FAM221A: variants seen among roughly 807,000 people sequenced by gnomAD.
FAM221A encodes the protein protein FAM221A.
Under a neutral mutation model 37.6 loss-of-function variants are expected in FAM221A, and 43 were observed. The observed-to-expected ratio is 1.15, with a 90% CI of 0.90 to 1.48. FAM221A has a LOEUF of 1.48. Ranked by LOEUF, FAM221A falls within the 40% of genes most tolerant of loss-of-function variation. The pLI is 0.00. For synonymous variants in FAM221A, 135 were observed against 132.9 expected (o/e 1.02, Z -0.11); for missense variants, 361 against 361.5 (o/e 1.00, Z 0.01).
Position 23,689,344 on chromosome 7 carries a change from C to T in FAM221A, c.315C>T (p.Gly105=). 1 of 1,604,270 alleles carries T rather than the reference C, an allele frequency of 6.2e-7. No homozygotes were observed. The highest frequency in any genetic ancestry group is 8.5e-7 in the Non-Finnish European group (1 of 1,172,302). Residue 105 remains glycine (G), a synonymous_variant, in exon 3 of 7, where the codon GGC becomes GGT. Transcript: ENST00000344962. ...TTGATCTGCCCTGCCAAGTGACTGGCTGCCAGTGCAGGGCTTACCTTTATG... is the reference window on the plus strand; with the variant it reads ...TTGATCTGCCCTGCCAAGTGACTGGTTGCCAGTGCAGGGCTTACCTTTATG... ...CPIDLPCQVT[G]CQCRAYLYVP...
chr7:23,698,394 T>TA (rs1349821753), intron 5 of FAM221A, 95 bp downstream of exon 5: 1 of 713,208 alleles, frequency 1.4e-6, no homozygotes, highest in East Asian at 2.9e-5. Flanking sequence ...TTTTCATTAT[T>TA]ACGATAATTT....
chr7:23,698,713 C>A (rs1307838946), intron 5 of FAM221A, among the ~76,000 whole-genome samples: 1 of 152,064 alleles, frequency 6.6e-6, no homozygotes, highest in Non-Finnish European at 1.5e-5. Flanking sequence ...TTTTTAAGCA[C>A]CAGTATTCTG....
chr7:23,702,361 G>T lies in FAM221A; in HGVS notation c.*197G>T. On this transcript the variant is annotated 3_prime_UTR_variant, in exon 7 of 7. Coordinates refer to ENST00000344962, the MANE Select transcript of FAM221A (RefSeq NM_199136.5). ...GTCAAAACTCATAATTTACTACTTT[G>T]TATGTACCTTTCTTTCTCCTGACAA... 1 of 355,210 alleles carries T rather than the reference G, an allele frequency of 2.8e-6. No homozygotes were observed. The allele number at this position is 355,210 out of a possible 1,614,324, so 22.0% of individuals were successfully genotyped here. A position where few individuals can be genotyped will look rare whatever the true frequency, so the allele number is the denominator to read the frequency against.
intron 4 of FAM221A, chr7:23,693,375 C>G (rs776527583): frequency 1.2e-4 from 18 of 151,758 alleles, no homozygotes; most frequent in Non-Finnish European, 2.5e-4. Flanking sequence ...ATTGTTGTTT[C>G]AATTTGATTT....
intron 4 of FAM221A, chr7:23,692,102 C>A: frequency 3.3e-6 from 2 of 603,278 alleles, no homozygotes; most frequent in Non-Finnish European, 4.2e-6. Flanking sequence ...TGTATGTGCA[C>A]ACACATATAT....
intron 4 of FAM221A, chr7:23,692,399 T>G (rs1233597861): frequency 3.8e-6 from 1 of 260,636 alleles, no homozygotes; most frequent in African/African-American, 2.3e-5. Context: ...TGGAGTGCAA[T>G]GGCGCGATCT....
chr7:23,691,996 C>G (rs1260757225), intron 4 of FAM221A, among the ~76,000 whole-genome samples: 2 of 152,064 alleles, frequency 1.3e-5, no homozygotes, highest in Admixed American at 6.6e-5. Context: ...GCTATTATAT[C>G]CATTTCATTT....
intron 2 of FAM221A, chr7:23,686,178 A>G: frequency 2.2e-5 from 7 of 318,694 alleles, no homozygotes; most frequent in South Asian, 1.6e-4. Flanking sequence ...TAGTTTTATA[A>G]TTTATTCTTA....
At chr7:23,696,304 A>G (rs1785057367) in intron 4 of FAM221A, among the ~76,000 whole-genome samples, 1 of 152,262 alleles carries the variant, frequency 6.6e-6, no homozygotes, top group Non-Finnish European at 1.5e-5. Context: ...TATGCCTGTA[A>G]TCCCAGCATT....
chr7:23,680,202 T>C lies in FAM221A; in HGVS notation c.-17T>C. On this transcript the variant is annotated 5_prime_UTR_variant, in exon 1 of 7. Transcript: ENST00000344962. Reference sequence around the variant, plus strand: ...GTCAGCTGGTCCGCAGGGAAGCCTTTGGCTTCCCCACCGGCAATGGAGCGG... The same window carrying C: ...GTCAGCTGGTCCGCAGGGAAGCCTTCGGCTTCCCCACCGGCAATGGAGCGG... 1 of 1,543,926 alleles carries C rather than the reference T, an allele frequency of 6.5e-7. No homozygotes were observed. Among genetic ancestry groups the C allele is most frequent in the Non-Finnish European group, 8.8e-7 (1 of 1,141,376 alleles).
chr7:23,687,552 T>C (rs1784440517), intron 2 of FAM221A: 1 of 152,148 alleles, frequency 6.6e-6, no homozygotes, highest in African/African-American at 2.4e-5. Context: ...TTAGGGTATA[T>C]TTTCCAAAAA....
chr7:23,685,002 C>T (rs1055369401), intron 2 of FAM221A, among the ~76,000 whole-genome samples: 1 of 152,110 alleles, frequency 6.6e-6, no homozygotes, highest in South Asian at 2.1e-4. Flanking sequence ...GTAATTCCAG[C>T]ACTTTGGGAG....
intron 2 of FAM221A, chr7:23,687,104 G>A (rs1784420999): frequency 6.6e-6 from 1 of 152,184 alleles, no homozygotes; most frequent in African/African-American, 2.4e-5. Context: ...AAGTATGTGT[G>A]TGCATAAAAT....
rs1783947383 is a variant in FAM221A, at chr7:23,680,290, C to CT, written c.65+8dup. The stretch of plus-strand genomic sequence containing the variant: ...AGTACCTGGAGTACCGGAGGTGAGG[C>CT]TGTGGCTCCGGGCCTGCCCCCCCGC... On this transcript the variant is annotated splice_region_variant and intron_variant, in intron 1 of 6. Coordinates refer to ENST00000344962, the MANE Select transcript of FAM221A (RefSeq NM_199136.5). 4 of 1,543,140 alleles carry CT rather than the reference C, an allele frequency of 2.6e-6. No individual in the cohort carries two copies. Among genetic ancestry groups the CT allele is most frequent in the Non-Finnish European group, 3.5e-6 (4 of 1,143,522 alleles).
intron 4 of FAM221A, among the ~76,000 whole-genome samples, chr7:23,696,553 C>T (rs1785072700): frequency 6.6e-6 from 1 of 152,136 alleles, no homozygotes; most frequent in Non-Finnish European, 1.5e-5. Flanking sequence ...GACAGAGTAA[C>T]ACCCTGCCTC....
chr7:23,680,972 C>A (rs1784003462), intron 1 of FAM221A, among the ~76,000 whole-genome samples: 1 of 152,174 alleles, frequency 6.6e-6, no homozygotes, highest in Non-Finnish European at 1.5e-5. Context: ...ACGCTCCAGG[C>A]TCCGCCAGGG....
chr7:23,680,665 C>A (rs749379619), intron 1 of FAM221A: 18 of 171,596 alleles, frequency 1.0e-4, no homozygotes, highest in Non-Finnish European at 2.0e-4. Flanking sequence ...CAACCGTGAA[C>A]TTCTGAACGC....
chr7:23,684,353 G>C (rs1368986017), intron 1 of FAM221A, 146 bp from the exon 2 acceptor site: 5 of 435,586 alleles, frequency 1.1e-5, no homozygotes, highest in Non-Finnish European at 1.6e-5. Flanking sequence ...AGTTGTTACA[G>C]AGACCCGGCC....
At chr7:23,696,114 T>C (rs1369896402) in intron 4 of FAM221A, among the ~76,000 whole-genome samples, 1 of 152,236 alleles carries the variant, frequency 6.6e-6, no homozygotes, top group Non-Finnish European at 1.5e-5. Context: ...ACTACACACC[T>C]AGCTACATGG....
Sources: gnomAD v4.1 joint callset for allele counts (sites outside exome capture counted in the v4.1 genomes callset) on GRCh38, gnomAD v4.1.1 for gene constraint, MANE v1.5 for transcripts, NCBI Gene and HGNC (gene_info 2026-07-23, HGNC 2026-07-21) for gene names.